Variants in CYP2R1 observed in about 807,000 individuals in gnomAD.
CYP2R1 encodes the protein cytochrome P450 family 2 subfamily R member 1.
Under a neutral mutation model 45.7 loss-of-function variants are expected in CYP2R1, and 40 were observed. The observed-to-expected ratio is 0.87, with a 90% CI of 0.68 to 1.14. The LOEUF (loss-of-function observed/expected upper bound fraction) is 1.14. CYP2R1 is among the 50% of genes most tolerant of loss of function. The pLI is 0.00. For missense variants in CYP2R1, 605 were observed against 602.6 expected, an observed-to-expected ratio of 1.00 and a Z score of -0.04; for synonymous variants, 234 against 219.3, an observed-to-expected ratio of 1.07 and a Z score of -0.59.
At position 14,890,899 on chromosome 11, in the gene CYP2R1, C is replaced by A. The variant is rs1266354867; in HGVS notation, c.225+1082G>T. 36 of 985,262 alleles carry A rather than the reference C, an allele frequency of 3.7e-5. 1 individual carries two copies. In the Admixed American group the frequency reaches 2.2e-3, roughly 61 times the overall value. The allele number at this position is 985,262 out of a possible 1,614,324, so 61.0% of individuals were successfully genotyped here. A position where few individuals can be genotyped will look rare whatever the true frequency, so the allele number is the denominator to read the frequency against. ...GTTTAAGTAAGGATTTAAGGTCAAA[C>A]CTGAAATACCACAGTTGCCAAACAT... is the stretch of plus-strand genomic sequence containing the variant. On this transcript the variant is annotated intron_variant, in intron 1 of 4. Coordinates refer to ENST00000334636, the MANE Select transcript of CYP2R1 (RefSeq NM_024514.5).
intron 2 of CYP2R1, among the ~76,000 whole-genome samples, chr11:14,884,623 T>G (rs150235117): frequency 0.019 from 2,958 of 151,888 alleles, 99 homozygotes; most frequent in African/African-American, 0.068. Flanking sequence ...ATGGCACATG[T>G]ATACATATGT....
At position 14,880,430 on chromosome 11, in the gene CYP2R1, CAATCCATGGAAAGGCA is replaced by C. The variant is rs1555011724; in HGVS notation, c.690_705del (p.Asn230LysfsTer18). 1 of 1,613,360 alleles carries C rather than the reference CAATCCATGGAAAGGCA, an allele frequency of 6.2e-7. No homozygotes were observed. The highest frequency in any genetic ancestry group is 8.5e-7 in the Non-Finnish European group (1 of 1,179,662). Reference sequence around the variant, plus strand: ...TGATGTTTTCCAAAAGGCAGGATGCCAATCCATGGAAAGGCATTATACAAGAAGACTGAGGCACTGG... The same window carrying C: ...TGATGTTTTCCAAAAGGCAGGATGCCTTATACAAGAAGACTGAGGCACTGG... On this transcript the variant is annotated frameshift_variant, in exon 3 of 5. Coordinates refer to ENST00000334636, the MANE Select transcript of CYP2R1 (RefSeq NM_024514.5). LOFTEE classifies it high-confidence loss of function.
At chr11:14,891,830 C>T in intron 1 of CYP2R1, 151 bp downstream of exon 1, 7 of 1,422,144 alleles carry the variant, frequency 4.9e-6, no homozygotes, top group Non-Finnish European at 6.5e-6. Context: ...CCTTCCAGAC[C>T]CGGGAAGCGG....
At chr11:14,891,571 G>C (rs1159320869) in intron 1 of CYP2R1, 6 of 1,028,886 alleles carry the variant, frequency 5.8e-6, no homozygotes, top group Non-Finnish European at 7.0e-6. Flanking sequence ...TTGATTTTCC[G>C]ACAAGCCGCG....
Position 14,892,078 on chromosome 11 carries a change from G to C in CYP2R1, c.128C>G (p.Pro43Arg). The C allele has an allele frequency of 6.2e-7, 1 of 1,611,740 alleles. No individual in the cohort carries two copies. Among genetic ancestry groups the C allele is most frequent in the Non-Finnish European group, 8.5e-7 (1 of 1,179,584 alleles). The change falls in exon 1 of 5, where the codon CCG becomes CGG. Residue 43 changes from proline (P) to arginine (R), a missense_variant. Transcript: ENST00000334636. ...GTTGCCGATAAATGGCAGCCCCGGC[G>C]GCCCCGGGGGGAAGCCCATCGGCCG... The part of the protein sequence containing the change: ...QRRPMGFPPG[P>R]PGLPFIGNIY...
At chr11:14,890,723 TTC>T (rs1848815237) in intron 1 of CYP2R1, among the ~76,000 whole-genome samples, 1 of 151,814 alleles carries the variant, frequency 6.6e-6, no homozygotes. Context: ...ATTTTTTGTA[TTC>T]TTTTAGTAGA....
intron 3 of CYP2R1, 90 bp from the exon 4 acceptor site, chr11:14,879,533 A>G (rs1848293764): frequency 1.6e-5 from 16 of 1,028,544 alleles, no homozygotes; most frequent in Non-Finnish European, 2.2e-5. Flanking sequence ...AGGATAACCT[A>G]TAACAAGCCA....
rs782272897 is a variant in CYP2R1, at chr11:14,880,577, C to A, written c.559G>T (p.Val187Phe). The A allele has an allele frequency of 6.2e-7, 1 of 1,613,190 alleles. No homozygotes were observed. Among genetic ancestry groups the A allele is most frequent in the Non-Finnish European group, 8.5e-7 (1 of 1,179,602 alleles). The change falls in exon 3 of 5, where the codon GTT (valine) becomes TTT (phenylalanine). Residue 187 changes from valine to phenylalanine, a missense_variant. By Grantham distance (50) the Val-to-Phe change is conservative. Coordinates refer to ENST00000334636, the MANE Select transcript of CYP2R1 (RefSeq NM_024514.5). ...ATGATCAGATTGGTTATGTTTGAAA[C>A]AGCATTCGTTATTAACTGTTTAAAG... Reference protein sequence around the residue: ...FDFKQLITNAVSNITNLIIFG... With the variant: ...FDFKQLITNAFSNITNLIIFG...
At chr11:14,884,622 G>T (rs1244089985) in intron 2 of CYP2R1, among the ~76,000 whole-genome samples, 1 of 151,614 alleles carries the variant, frequency 6.6e-6, no homozygotes, top group Non-Finnish European at 1.5e-5. Flanking sequence ...CATGGCACAT[G>T]TATACATATG....
chr11:14,891,551 T>G (rs1318543061), intron 1 of CYP2R1: 1 of 1,026,924 alleles, frequency 9.7e-7, no homozygotes, highest in Non-Finnish European at 1.2e-6. Flanking sequence ...CATCTAGAAC[T>G]CAGAACGCCT....
chr11:14,883,405 A>G (rs1270282428), intron 2 of CYP2R1, among the ~76,000 whole-genome samples: 1 of 152,232 alleles, frequency 6.6e-6, no homozygotes, highest in Non-Finnish European at 1.5e-5. Flanking sequence ...CTGATCTTTG[A>G]CGAACCTGAG....
chr11:14,878,338 A>C, intron 4 of CYP2R1, 41 bp from the exon 5 acceptor site: 1 of 1,581,936 alleles, frequency 6.3e-7, no homozygotes, highest in Middle Eastern at 1.7e-4. Flanking sequence ...TTAAACCCAC[A>C]ATCTTTACCA....
chr11:14,885,278 G>A (rs1848570995), intron 2 of CYP2R1, among the ~76,000 whole-genome samples: 1 of 152,042 alleles, frequency 6.6e-6, no homozygotes, highest in African/African-American at 2.4e-5. Flanking sequence ...TGTTGAATAT[G>A]GAATCCCCAA....
chr11:14,891,922 C>T (rs1316261828), intron 1 of CYP2R1, 59 bp downstream of exon 1: 7 of 1,576,388 alleles, frequency 4.4e-6, no homozygotes, highest in Non-Finnish European at 5.2e-6. Flanking sequence ...CCAGGAAGGC[C>T]CTGGCCAGCC....
chr11:14,889,704 C>T (rs1213361410), intron 1 of CYP2R1, among the ~76,000 whole-genome samples: 3 of 152,106 alleles, frequency 2.0e-5, no homozygotes, highest in African/African-American at 4.8e-5. Context: ...ATAGTAATAC[C>T]GAGTGTCTTT....
intron 3 of CYP2R1, among the ~76,000 whole-genome samples, chr11:14,879,705 G>A (rs11023373): frequency 9.9e-5 from 15 of 152,124 alleles, no homozygotes; most frequent in African/African-American, 3.1e-4. Flanking sequence ...TTATCTGGGC[G>A]TTCTATTGAA....
chr11:14,881,126 T>G (rs1848368246), intron 2 of CYP2R1, among the ~76,000 whole-genome samples: 1 of 152,096 alleles, frequency 6.6e-6, no homozygotes, highest in Non-Finnish European at 1.5e-5. Flanking sequence ...TGGACAAAGT[T>G]TTATCTTAGA....
In CYP2R1 at chr11:14,892,154, GCGCGCCGCCGAGCGCCGC is replaced by G. The variant is rs1483189303; in HGVS notation, c.34_51del (p.Ala12_Ala17del). ...CCTAGCGCGAAGAGCAGCAGGAAGA[GCGCGCCGCCGAGCGCCGC>G]CGCGCCCTCTTCAGCTCTCCAAAGC... On this transcript the variant is annotated inframe_deletion, in exon 1 of 5. Coordinates refer to ENST00000334636, the MANE Select transcript of CYP2R1 (RefSeq NM_024514.5). 1 of 1,610,900 alleles carries G rather than the reference GCGCGCCGCCGAGCGCCGC, an allele frequency of 6.2e-7. No individual in the cohort carries two copies. The highest frequency in any genetic ancestry group is 1.3e-5 in the African/African-American group (1 of 74,904).
rs569766440 is a variant in CYP2R1 at position 14,881,356 on chromosome 11, A to G, written c.368-588T>C. On this transcript the variant is annotated intron_variant, in intron 2 of 4. Transcript: ENST00000334636. ...AAGCTCAAACTTTTCTAATGCTGAT[A>G]TTGCCTGCCTTAAAATTTCAGAGTC... 2.6e-5 allele frequency among the ~76,000 whole-genome samples: 4 copies of G among 152,216 alleles called. No individual in the cohort carries two copies. In the East Asian group the frequency reaches 7.7e-4, roughly 29 times the overall value.
Sources: allele counts gnomAD v4.1 joint callset (sites outside exome capture counted in the v4.1 genomes callset), GRCh38; gene constraint gnomAD v4.1.1; transcripts MANE v1.5; gene names NCBI Gene and HGNC (gene_info 2026-07-23, HGNC 2026-07-21).